Variants in CNTN4 observed in about 807,000 individuals in gnomAD.
The protein encoded by CNTN4 is contactin-4.
CNTN4 carries 77 observed loss-of-function variants against 122.5 expected under a neutral mutation model. The observed-to-expected ratio is 0.63, with a 90% confidence interval of 0.52 to 0.76. CNTN4 has a LOEUF of 0.76. Ranked by LOEUF, CNTN4 falls within the 30% of genes least tolerant of loss-of-function variation. CNTN4 has a pLI of 0.00. For missense variants in CNTN4, 1,256 were observed against 1,259.1 expected, an observed-to-expected ratio of 1.00 and a Z score of 0.04; for synonymous variants, 512 against 447.0, an observed-to-expected ratio of 1.15 and a Z score of -1.83.
At chr3:2,533,990 A>T (rs1435161332) in intron 3 of CNTN4, among the ~76,000 whole-genome samples, 2 of 150,386 alleles carry the variant, frequency 1.3e-5, no homozygotes, top group African/African-American at 2.4e-5. Flanking sequence ...AGTTCTTTGT[A>T]GATTCTGGAT....
At chr3:2,505,634 G>A (rs181735009) in intron 3 of CNTN4, among the ~76,000 whole-genome samples, 22 of 152,228 alleles carry the variant, frequency 1.4e-4, no homozygotes, top group Admixed American at 1.3e-3. Flanking sequence ...AATTACATAT[G>A]ATTATGTGGC....
intron 3 of CNTN4, among the ~76,000 whole-genome samples, chr3:2,497,196 C>G (rs2076475551): frequency 6.6e-6 from 1 of 152,316 alleles, no homozygotes; most frequent in African/African-American, 2.4e-5. Context: ...ATGTATTTCA[C>G]TGTGTTCCTC....
intron 7 of CNTN4, among the ~76,000 whole-genome samples, chr3:2,831,237 G>A (rs1320159024): frequency 6.6e-6 from 1 of 152,162 alleles, no homozygotes; most frequent in African/African-American, 2.4e-5. Context: ...TCAAAATACT[G>A]ATTTAAGAGG....
At chr3:2,340,570 C>T (rs1263946474) in intron 3 of CNTN4, among the ~76,000 whole-genome samples, 6 of 150,766 alleles carry the variant, frequency 4.0e-5, no homozygotes, top group Non-Finnish European at 8.9e-5. Context: ...AGTCCCACTA[C>T]TGGGAAAGCT....
At chr3:2,759,787 A>G (rs1050565423) in intron 6 of CNTN4, among the ~76,000 whole-genome samples, 6 of 151,844 alleles carry the variant, frequency 4.0e-5, no homozygotes, top group African/African-American at 1.4e-4. Flanking sequence ...ATCATTTTAC[A>G]GTCCTACCAA....
chr3:2,857,006 G>A (rs1027527342), intron 7 of CNTN4, among the ~76,000 whole-genome samples: 5 of 152,166 alleles, frequency 3.3e-5, no homozygotes, highest in Non-Finnish European at 5.9e-5. Flanking sequence ...AGAGCAGGAT[G>A]TTCTTAGGCC....
At chr3:2,238,526 T>C (rs866025691) in intron 2 of CNTN4, among the ~76,000 whole-genome samples, 6 of 151,852 alleles carry the variant, frequency 4.0e-5, no homozygotes, top group Non-Finnish European at 7.4e-5. Flanking sequence ...AAATTTGTTA[T>C]CTGAATTGCT....
intron 4 of CNTN4, among the ~76,000 whole-genome samples, chr3:2,576,096 G>T (rs547527958): frequency 1.3e-5 from 2 of 152,112 alleles, no homozygotes; most frequent in East Asian, 3.9e-4. Flanking sequence ...CGGCCTCCCA[G>T]AGTGCTGGAA....
chr3:2,608,372 A>G (rs1370995980), intron 4 of CNTN4, among the ~76,000 whole-genome samples: 1 of 152,170 alleles, frequency 6.6e-6, no homozygotes, highest in African/African-American at 2.4e-5. Flanking sequence ...AGGTGGGGGG[A>G]TCACTAGAGC....
rs2031855414 is a variant in CNTN4 at position 2,100,586 on chromosome 3, G to T, written c.-198G>T. The T allele has an allele frequency of 6.6e-6, 1 of 152,180 alleles. No individual in the cohort carries two copies. The highest frequency in any genetic ancestry group is 1.5e-5 in the Non-Finnish European group (1 of 68,038). The allele number at this position is 152,180 out of a possible 1,614,324, so 9.4% of individuals were successfully genotyped here. The stretch of plus-strand genomic sequence containing the variant: ...GTGAAAAAGAACAGTGTGTCATGAA[G>T]ACAGGCACCTGGAGGTGATTTGGGT... On this transcript the variant is annotated 5_prime_UTR_variant, in exon 2 of 25. Coordinates refer to ENST00000418658, the MANE Select transcript of CNTN4 (RefSeq NM_175607.3).
At chr3:2,262,000 C>T (rs1166952374) in intron 2 of CNTN4, among the ~76,000 whole-genome samples, 1 of 152,130 alleles carries the variant, frequency 6.6e-6, no homozygotes, top group East Asian at 1.9e-4. Context: ...ATTACCCAGG[C>T]TTTTCTCCAG....
chr3:2,707,582 G>A (rs1465003390), intron 4 of CNTN4, among the ~76,000 whole-genome samples: 1 of 152,128 alleles, frequency 6.6e-6, no homozygotes, highest in Middle Eastern at 3.2e-3. Flanking sequence ...GGGAAGAGAA[G>A]TTAGCAGTTT....
At chr3:2,989,571 G>T (rs988181868) in intron 14 of CNTN4, among the ~76,000 whole-genome samples, 2 of 152,106 alleles carry the variant, frequency 1.3e-5, no homozygotes, top group African/African-American at 4.8e-5. Flanking sequence ...CTACTCTTTT[G>T]GGAAGTCTTT....
At position 2,736,309 on chromosome 3, in the gene CNTN4, T is replaced by C; in HGVS notation, c.150T>C (p.Cys50=). 4 of 1,613,804 alleles carry C rather than the reference T, an allele frequency of 2.5e-6. No homozygotes were observed. In the Admixed American group the frequency reaches 5.0e-5, roughly 20 times the overall value. The change falls in exon 5 of 25, where the codon TGT becomes TGC. Residue 50 remains cysteine, a synonymous_variant. Transcript: ENST00000418658. ...DSEEKKVKLN[C]EVKGNPKPHI... is the part of the protein sequence containing the mutation. Reference sequence around the variant, plus strand: ...AGGAGAAAAAAGTGAAGCTCAATTGTGAAGTTAAAGGAAATCCAAAACCTC... The same window carrying C: ...AGGAGAAAAAAGTGAAGCTCAATTGCGAAGTTAAAGGAAATCCAAAACCTC...
rs183327307 is a variant in CNTN4 at position 2,277,721 on chromosome 3, T to C, written c.-144-61457T>C. Among the ~76,000 whole-genome samples, 115 of 152,324 alleles carry C rather than the reference T, an allele frequency of 7.5e-4. 1 individual carries two copies. The highest frequency in any genetic ancestry group is 1.2e-3 in the Non-Finnish European group (79 of 68,038). ...TTTTGCTCTTCTCTTCCTCCTGGTTTGTCCTTTTGTCACTTGGAAAATATT... is the reference window on the plus strand; with the variant it reads ...TTTTGCTCTTCTCTTCCTCCTGGTTCGTCCTTTTGTCACTTGGAAAATATT... On this transcript the variant is annotated intron_variant, in intron 2 of 24. Coordinates refer to ENST00000418658, the MANE Select transcript of CNTN4 (RefSeq NM_175607.3).
chr3:2,824,995 C>T (rs192836871), intron 7 of CNTN4, among the ~76,000 whole-genome samples: 2 of 152,154 alleles, frequency 1.3e-5, no homozygotes, highest in East Asian at 1.9e-4. Flanking sequence ...ATGTAGTTAC[C>T]TTAGGCTTTA....
intron 14 of CNTN4, among the ~76,000 whole-genome samples, chr3:3,003,721 AAC>A (rs1180656498): frequency 2.7e-5 from 4 of 150,492 alleles, no homozygotes; most frequent in South Asian, 2.1e-4. Context: ...AAAACAAAAA[AAC>A]CCCACTGAAT....
intron 2 of CNTN4, among the ~76,000 whole-genome samples, chr3:2,124,499 A>C (rs2034014748): frequency 6.6e-6 from 1 of 150,816 alleles, no homozygotes; most frequent in South Asian, 2.1e-4. Context: ...ATGCTGGCTC[A>C]CACCTATAAT....
chr3:2,738,740 C>T (rs556244469), intron 5 of CNTN4, among the ~76,000 whole-genome samples: 7 of 152,148 alleles, frequency 4.6e-5, no homozygotes, highest in East Asian at 1.9e-4. Flanking sequence ...AACCCTACTG[C>T]GCAGCATACA....
Sources: gnomAD v4.1 joint callset for allele counts (sites outside exome capture counted in the v4.1 genomes callset) on GRCh38, gnomAD v4.1.1 for gene constraint, MANE v1.5 for transcripts, NCBI Gene and HGNC (gene_info 2026-07-23, HGNC 2026-07-21) for gene names.